TANC2: variants seen among roughly 807,000 people sequenced by gnomAD.
TANC2 encodes tetratricopeptide repeat, ankyrin repeat and coiled-coil containing 2, also known as protein TANC2.
In TANC2, 26 loss-of-function variants were observed where a neutral mutation model predicts 210.5. That is an observed-to-expected ratio of 0.12 (90% CI 0.09 to 0.17). TANC2 has a LOEUF of 0.17. Ranked by LOEUF, TANC2 falls within the 10% of genes least tolerant of loss-of-function variation. The pLI is 1.00. For synonymous variants in TANC2, 931 were observed against 967.1 expected (o/e 0.96, Z 0.69); for missense variants, 2,129 against 2,608.9 (o/e 0.82, Z 4.01).
intron 5 of TANC2, among the ~76,000 whole-genome samples, chr17:63,190,479 G>T (rs1258325844): frequency 2.0e-5 from 3 of 152,164 alleles, no homozygotes; most frequent in African/African-American, 7.2e-5. Context: ...AATAGGAAAT[G>T]TGAGTCTTCC....
chr17:63,287,890 G>A (rs1036024192), intron 9 of TANC2, among the ~76,000 whole-genome samples: 1 of 151,738 alleles, frequency 6.6e-6, no homozygotes, highest in African/African-American at 2.4e-5. Flanking sequence ...TGGCCAGGCT[G>A]GGTCTCGATC....
intron 5 of TANC2, among the ~76,000 whole-genome samples, chr17:63,188,962 A>G (rs1380844468): frequency 6.6e-6 from 1 of 151,954 alleles, no homozygotes; most frequent in Non-Finnish European, 1.5e-5. Flanking sequence ...GTCCTAGGCA[A>G]TGGCTTGTCT....
chr17:63,191,947 G>C (rs1352806157), intron 5 of TANC2, among the ~76,000 whole-genome samples: 5 of 152,186 alleles, frequency 3.3e-5, no homozygotes, highest in Admixed American at 6.5e-5. Flanking sequence ...AGGAGACAGA[G>C]GCAGCCGTTG....
exon 28 of TANC2, chr17:63,425,070 G>T (rs2049111413): frequency 6.6e-6 from 1 of 152,172 alleles, no homozygotes; most frequent in Non-Finnish European, 1.5e-5. Context: ...TGTAACATGA[G>T]AATTTGGCAT....
In TANC2 at chr17:63,420,580, C is replaced by T. The variant is rs749820274; in HGVS notation, c.4850C>T (p.Pro1617Leu). 29 of 1,613,786 alleles carry T rather than the reference C, an allele frequency of 1.8e-5. No homozygotes were observed. Among genetic ancestry groups the T allele is most frequent in the Non-Finnish European group, 1.9e-5 (22 of 1,179,844 alleles). ...GGCAAAGAATACCCAAGCCCTCCCCCTTCCCCTCTCCGGAGAGGCCCTCAG... is the reference window on the plus strand; with the variant it reads ...GGCAAAGAATACCCAAGCCCTCCCCTTTCCCCTCTCCGGAGAGGCCCTCAG... The change falls in exon 28 of 28, where the codon CCT becomes CTT. Residue 1617 changes from proline to leucine, a missense_variant. Transcript: ENST00000689528. The surrounding 1 kb of genome is among the most constrained non-coding windows in gnomAD (Gnocchi z 4.2).
intron 3 of TANC2, among the ~76,000 whole-genome samples, chr17:63,089,702 G>A (rs1267748132): frequency 6.6e-6 from 1 of 151,998 alleles, no homozygotes; most frequent in Non-Finnish European, 1.5e-5. Flanking sequence ...AAGAACATTA[G>A]GAATAATTTA....
intron 2 of TANC2, among the ~76,000 whole-genome samples, chr17:63,056,543 G>A (rs2035813368): frequency 6.6e-6 from 1 of 152,062 alleles, no homozygotes; most frequent in Admixed American, 6.6e-5. Flanking sequence ...GCTAGACAAG[G>A]TAGTGTGCAC....
chr17:63,422,844 T>C (rs746168061), exon 28 of TANC2: 28 of 152,212 alleles, frequency 1.8e-4, no homozygotes, highest in Admixed American at 8.5e-4. Flanking sequence ...CTATAGGAAG[T>C]CTGTTCTGGA....
intron 4 of TANC2, chr17:63,149,393 T>G (rs971708638): frequency 1.3e-5 from 2 of 152,090 alleles, no homozygotes; most frequent in Non-Finnish European, 2.9e-5. Flanking sequence ...CCTTCACTTT[T>G]TTTCTTACAT....
intron 5 of TANC2, among the ~76,000 whole-genome samples, chr17:63,176,706 T>G (rs530474954): frequency 6.7e-6 from 1 of 148,482 alleles, no homozygotes; most frequent in South Asian, 2.1e-4. Context: ...CTCAGGAGGC[T>G]GAGGCAGGAG....
chr17:63,091,593 A>G (rs540940901), intron 3 of TANC2, among the ~76,000 whole-genome samples: 126 of 152,296 alleles, frequency 8.3e-4, no homozygotes, highest in Non-Finnish European at 6.9e-4. Context: ...TACCAGTACC[A>G]TGCTGTTTTG....
At chr17:63,152,884 T>C (rs1255021144) in intron 5 of TANC2, 1 of 152,178 alleles carries the variant, frequency 6.6e-6, no homozygotes, top group Non-Finnish European at 1.5e-5. Context: ...TGATTATTTA[T>C]GTATATTTTC....
intron 9 of TANC2, among the ~76,000 whole-genome samples, chr17:63,295,351 G>A (rs1479351955): frequency 1.3e-5 from 2 of 152,106 alleles, no homozygotes; most frequent in Non-Finnish European, 2.9e-5. Context: ...AATATGATGA[G>A]GCATTATGTC....
At chr17:63,084,432 C>A (rs996375624) in intron 3 of TANC2, among the ~76,000 whole-genome samples, 1 of 150,980 alleles carries the variant, frequency 6.6e-6, no homozygotes, top group Non-Finnish European at 1.5e-5. Flanking sequence ...AATTTTTTTT[C>A]TTTTCAAAGA....
At chr17:63,169,362 A>G (rs1207046020) in intron 5 of TANC2, among the ~76,000 whole-genome samples, 1 of 152,180 alleles carries the variant, frequency 6.6e-6, no homozygotes, top group Non-Finnish European at 1.5e-5. Flanking sequence ...AGCTAGGATG[A>G]TGATTTTTTC....
chr17:63,317,899 A>T (rs965945179), intron 10 of TANC2, among the ~76,000 whole-genome samples: 5 of 152,264 alleles, frequency 3.3e-5, no homozygotes, highest in Non-Finnish European at 5.9e-5. Context: ...GATAAAGGGG[A>T]ATAGAGTAGG....
chr17:63,418,037 T>C lies in TANC2; in HGVS notation c.4168-270T>C, dbSNP rs757910601. Reference sequence around the variant, plus strand: ...TGTTTGGCTTCCGGGCTGAGAACTTTATTAGAAAGGCAAAAAGAGGGAAAA... The same window carrying C: ...TGTTTGGCTTCCGGGCTGAGAACTTCATTAGAAAGGCAAAAAGAGGGAAAA... On this transcript the variant is annotated intron_variant, in intron 26 of 27. Transcript: ENST00000689528. The surrounding 1 kb of genome is among the most constrained non-coding windows in gnomAD (Gnocchi z 4.6). Among the ~76,000 whole-genome samples, 7 of 152,330 alleles carry C rather than the reference T, an allele frequency of 4.6e-5. No homozygotes were observed. The highest frequency in any genetic ancestry group is 1.0e-4 in the Non-Finnish European group (7 of 68,018).
chr17:63,419,668 AC>A (rs1398823683), intron 27 of TANC2, among the ~76,000 whole-genome samples: 1 of 152,068 alleles, frequency 6.6e-6, no homozygotes, highest in Non-Finnish European at 1.5e-5. Context: ...GTAAATGACA[AC>A]CCCACCCAAC....
chr17:63,420,257 T>A lies in TANC2; in HGVS notation c.4527T>A (p.Ile1509=). Residue 1509 remains isoleucine, a synonymous_variant, in exon 28 of 28, where the codon ATT becomes ATA. Coordinates refer to ENST00000689528, the Ensembl canonical transcript of TANC2. This position sits in a 1 kb window ranked among gnomAD's most constrained non-coding sequence, Gnocchi z 4.2. ...AACAGGATGTTGAAAATGTTTCCAT[T>A]GGCCTCCAGACAGAGGCCCGGCCCA... The A allele has an allele frequency of 6.2e-7, 1 of 1,613,646 alleles. No individual in the cohort carries two copies.
Sources: gnomAD v4.1 joint callset for allele counts (sites outside exome capture counted in the v4.1 genomes callset) on GRCh38, gnomAD v4.1.1 for gene constraint, Gnocchi (gnomAD v3.1) non-coding constraint, MANE v1.5 for transcripts, NCBI Gene and HGNC (gene_info 2026-07-23, HGNC 2026-07-21) for gene names.